Variants in ANGPT4 observed in about 807,000 individuals in gnomAD.
ANGPT4 encodes angiopoietin 4, also known as angiopoietin-4.
A neutral mutation model predicts 53.0 loss-of-function variants in ANGPT4; 50 were observed. The ratio of observed to expected loss-of-function variants is 0.94; its 90% CI spans 0.75 to 1.20. The LOEUF (loss-of-function observed/expected upper bound fraction) is 1.20, where lower values mean the gene tolerates loss of function less well. Ranked by LOEUF, ANGPT4 falls within the 50% of genes most tolerant of loss-of-function variation. The probability of loss-of-function intolerance (pLI) is 0.00; values close to 1 mark genes in which losing one functional copy is unlikely to be tolerated. For synonymous variants in ANGPT4, 251 were observed against 259.7 expected, an observed-to-expected ratio of 0.97 and a Z score of 0.32; for missense variants, 648 against 637.1, an observed-to-expected ratio of 1.02 and a Z score of -0.18.
intron 1 of ANGPT4, among the ~76,000 whole-genome samples, chr20:905,999 C>T (rs1982464086): frequency 1.3e-5 from 2 of 152,192 alleles, no homozygotes; most frequent in African/African-American, 4.8e-5. Context: ...TCTCCAGAGA[C>T]CACACCCTTA....
At position 902,618 on chromosome 20, in the gene ANGPT4, A is replaced by G. The variant is rs538002511; in HGVS notation, c.310-12250T>C. Among the ~76,000 whole-genome samples the G allele has an allele frequency of 2.6e-5, 4 of 152,380 alleles. No homozygotes were observed. The East Asian group carries it at 7.7e-4, about 29-fold the overall frequency. ...TAATACAGAAATAATATAGGACTAT[A>G]TCAGAAACCTGTTTTCTGTTATGTT... On this transcript the variant is annotated intron_variant, in intron 1 of 8. Coordinates refer to ENST00000381922, the MANE Select transcript of ANGPT4 (RefSeq NM_015985.4).
chr20:898,558 C>G (rs1383993574), intron 1 of ANGPT4, among the ~76,000 whole-genome samples: 1 of 152,148 alleles, frequency 6.6e-6, no homozygotes, highest in Non-Finnish European at 1.5e-5. Context: ...ATTTTATTAC[C>G]CAATCTGCTC....
At chr20:883,040 C>A (rs1175566902) in intron 4 of ANGPT4, among the ~76,000 whole-genome samples, 3 of 152,188 alleles carry the variant, frequency 2.0e-5, no homozygotes, top group African/African-American at 7.2e-5. Context: ...TGTGCTGAAC[C>A]CTTTTGTATG....
At chr20:873,359 C>T (rs1004121470) in intron 8 of ANGPT4, among the ~76,000 whole-genome samples, 5 of 152,086 alleles carry the variant, frequency 3.3e-5, no homozygotes, top group Non-Finnish European at 7.4e-5. Flanking sequence ...AGCCCCCTTG[C>T]TCCTCCCGGC....
chr20:910,464 T>C (rs900405850), intron 1 of ANGPT4, among the ~76,000 whole-genome samples: 1 of 152,152 alleles, frequency 6.6e-6, no homozygotes, highest in African/African-American at 2.4e-5. Flanking sequence ...CCCTGGGACT[T>C]GACCTCCTGA....
chr20:907,949 C>T (rs1286654098), intron 1 of ANGPT4, among the ~76,000 whole-genome samples: 4 of 152,194 alleles, frequency 2.6e-5, no homozygotes, highest in Admixed American at 2.6e-4. Context: ...TTGTTCCCCA[C>T]ACAAATGAGT....
At chr20:890,516 C>G (rs566180443) in intron 1 of ANGPT4, 148 bp from the exon 2 acceptor site, 2 of 661,192 alleles carry the variant, frequency 3.0e-6, no homozygotes, top group African/African-American at 3.6e-5. Context: ...ACCATTACGT[C>G]TTGCCTGGAC....
In ANGPT4 at chr20:916,105, A is replaced by G. The variant is rs1434316521; in HGVS notation, c.110T>C (p.Val37Ala). The change falls in exon 1 of 9, where the codon GTA becomes GCA. Residue 37 changes from valine to alanine, a missense_variant. Val to Ala is a moderately conservative substitution (Grantham distance 64). Transcript: ENST00000381922. ...QEADRGCETL[V>A]VQHGHCSYTF... ...GTAGCTACAGTGGCCGTGCTGGACTACAAGTGTCTCGCAGCCCCTATCCGC... is the reference window on the plus strand; with the variant it reads ...GTAGCTACAGTGGCCGTGCTGGACTGCAAGTGTCTCGCAGCCCCTATCCGC... The G allele has an allele frequency of 1.2e-6, 2 of 1,614,182 alleles. No individual in the cohort carries two copies. The highest frequency in any genetic ancestry group is 2.2e-5 in the East Asian group (1 of 44,876).
chr20:906,181 C>T (rs904997033), intron 1 of ANGPT4, among the ~76,000 whole-genome samples: 1 of 152,170 alleles, frequency 6.6e-6, no homozygotes, highest in Admixed American at 6.5e-5. Flanking sequence ...TGCATTGTGT[C>T]TTCTGTCTTG....
rs530109271 is a variant in ANGPT4, at chr20:870,904, G to C, written c.*2056C>G. On this transcript the variant is annotated 3_prime_UTR_variant, in exon 9 of 9. Coordinates refer to ENST00000381922, the MANE Select transcript of ANGPT4 (RefSeq NM_015985.4). Reference sequence around the variant, plus strand: ...ACATACATGGTCTCATTTCCTCCTTGCCATAGCCCAGCCAGGAAGGAATAT... The same window carrying C: ...ACATACATGGTCTCATTTCCTCCTTCCCATAGCCCAGCCAGGAAGGAATAT... 1 of 152,232 alleles carries C rather than the reference G, an allele frequency of 6.6e-6. No individual in the cohort carries two copies. The highest frequency in any genetic ancestry group is 2.1e-4 in the South Asian group (1 of 4,812). 9.4% of individuals were successfully genotyped at this position (152,232 alleles called of 1,614,324 possible). A position where few individuals can be genotyped will look rare whatever the true frequency, so the allele number is the denominator to read the frequency against.
chr20:878,466 T>A, intron 6 of ANGPT4, 139 bp from the exon 7 acceptor site: 1 of 763,732 alleles, frequency 1.3e-6, no homozygotes, highest in African/African-American at 1.8e-5. Flanking sequence ...AAGTACAGTG[T>A]AGGCAGGACT....
chr20:899,899 G>A (rs1245316534), intron 1 of ANGPT4, among the ~76,000 whole-genome samples: 1 of 152,148 alleles, frequency 6.6e-6, no homozygotes, highest in Non-Finnish European at 1.5e-5. Context: ...AGGCTTCAGG[G>A]ACAGCCCCTA....
chr20:888,289 C>A (rs1338331938), intron 3 of ANGPT4, 29 bp downstream of exon 3: 2 of 1,606,100 alleles, frequency 1.2e-6, no homozygotes, highest in Non-Finnish European at 8.5e-7. Flanking sequence ...CAGCCCCTGT[C>A]CTAGTCTGGT....
In ANGPT4 at chr20:914,274, C is replaced by A. The variant is rs1982829609; in HGVS notation, c.309+1632G>T. On this transcript the variant is annotated intron_variant, in intron 1 of 8. Coordinates refer to ENST00000381922, the MANE Select transcript of ANGPT4 (RefSeq NM_015985.4). The surrounding 1 kb of genome is among the most constrained non-coding windows in gnomAD (Gnocchi z 5.0). ...GGATAAGTTCTAAGAAAAAAAAACACAACAAAGCCAGCAGAGGGACAAAGG... is the reference window on the plus strand; with the variant it reads ...GGATAAGTTCTAAGAAAAAAAAACAAAACAAAGCCAGCAGAGGGACAAAGG... Among the ~76,000 whole-genome samples the A allele has an allele frequency of 6.6e-6, 1 of 151,868 alleles. No homozygotes were observed. The highest frequency in any genetic ancestry group is 1.5e-5 in the Non-Finnish European group (1 of 67,964).
intron 3 of ANGPT4, 42 bp downstream of exon 3, chr20:888,276 C>T (rs1314322670): frequency 6.3e-7 from 1 of 1,591,450 alleles, no homozygotes; most frequent in South Asian, 1.1e-5. Context: ...TTGACTCCAG[C>T]CCCAGCCCCT....
In ANGPT4 at chr20:908,685, GT is replaced by G. The variant is rs1253002357; in HGVS notation, c.309+7220del. ...GCGCATTGTAAGCCCTCAATAAACA[GT>G]GGTGGAAGGGACAATTAAATGAATG... On this transcript the variant is annotated intron_variant, in intron 1 of 8. Transcript: ENST00000381922. The surrounding 1 kb of genome is among the most constrained non-coding windows in gnomAD (Gnocchi z 4.9). 6.6e-6 allele frequency among the ~76,000 whole-genome samples: 1 copy of G among 152,036 alleles called. No individual in the cohort carries two copies. Among genetic ancestry groups the G allele is most frequent in the Non-Finnish European group, 1.5e-5 (1 of 68,026 alleles).
intron 2 of ANGPT4, among the ~76,000 whole-genome samples, chr20:888,950 C>T (rs1179801825): frequency 6.6e-6 from 1 of 152,234 alleles, no homozygotes; most frequent in Non-Finnish European, 1.5e-5. Context: ...ATGGTGTGAT[C>T]TGTCCCTATC....
At chr20:884,960 G>T in intron 4 of ANGPT4, 118 bp downstream of exon 4, 2 of 1,395,218 alleles carry the variant, frequency 1.4e-6, no homozygotes, top group East Asian at 2.4e-5. Flanking sequence ...CAGATGGTCG[G>T]GGAGGGTGGG....
At chr20:888,942 G>A (rs572050258) in intron 2 of ANGPT4, among the ~76,000 whole-genome samples, 1 of 152,308 alleles carries the variant, frequency 6.6e-6, no homozygotes, top group Non-Finnish European at 1.5e-5. Flanking sequence ...AAGGCCCTAT[G>A]GTGTGATCTG....
Sources: allele counts gnomAD v4.1 joint callset (sites outside exome capture counted in the v4.1 genomes callset), GRCh38; gene constraint gnomAD v4.1.1; non-coding constraint Gnocchi (gnomAD v3.1); transcripts MANE v1.5; gene names NCBI Gene and HGNC (gene_info 2026-07-23, HGNC 2026-07-21).